The following CNTLN variants were observed in gnomAD, a reference collection of about 807,000 sequenced individuals.
CNTLN encodes centlein, also known as centlein, centrosomal protein.
In CNTLN, 212 loss-of-function variants were observed where a neutral mutation model predicts 180.0. The ratio of observed to expected loss-of-function variants is 1.18; its 90% CI spans 1.05 to 1.32. CNTLN has a LOEUF of 1.32. Among genes scored for constraint, CNTLN ranks in the 40% most tolerant of loss-of-function variants. CNTLN has a pLI of 0.00. For synonymous variants in CNTLN, 722 were observed against 563.1 expected (o/e 1.28, Z -3.99); for missense variants, 2,095 against 1,610.9 (o/e 1.30, Z -5.14).
chr9:17,307,893 C>T lies in CNTLN; in HGVS notation c.1147-1165C>T, dbSNP rs562827543. 5.3e-3 allele frequency among the ~76,000 whole-genome samples: 802 copies of T among 150,394 alleles called. 5 individuals carry two copies. The highest frequency in any genetic ancestry group is 8.8e-3 in the Admixed American group (133 of 15,064). On this transcript the variant is annotated intron_variant, in intron 7 of 25. Coordinates refer to ENST00000380647, the MANE Select transcript of CNTLN (RefSeq NM_017738.4). ...TAAATGAGCAAACCTAAAAACTTAC[C>T]GTAGCTGTATATAATTTTGAGATTT... is the stretch of plus-strand genomic sequence containing the variant.
intron 2 of CNTLN, among the ~76,000 whole-genome samples, chr9:17,169,873 C>T (rs1820316078): frequency 6.6e-6 from 1 of 152,062 alleles, no homozygotes; most frequent in Non-Finnish European, 1.5e-5. Flanking sequence ...ATTGCTTTAG[C>T]TAGTCATGAT....
At chr9:17,268,987 C>T (rs148599151) in intron 5 of CNTLN, among the ~76,000 whole-genome samples, 3 of 152,230 alleles carry the variant, frequency 2.0e-5, no homozygotes, top group African/African-American at 4.8e-5. Context: ...TTGTGCTTCC[C>T]GAGTTAGGCC....
At chr9:17,268,458 G>A (rs910579853) in intron 5 of CNTLN, among the ~76,000 whole-genome samples, 3 of 152,166 alleles carry the variant, frequency 2.0e-5, no homozygotes, top group Admixed American at 6.5e-5. Flanking sequence ...CTACTGGGGG[G>A]TGCCTCCCAG....
chr9:17,196,205 A>G (rs6475114), intron 2 of CNTLN, among the ~76,000 whole-genome samples: 39,280 of 151,626 alleles, frequency 0.26, 6,465 homozygotes, highest in African/African-American at 0.46. Context: ...TCTATCTTTG[A>G]GAGGCACGGG....
intron 5 of CNTLN, among the ~76,000 whole-genome samples, chr9:17,262,373 C>T (rs933390230): frequency 6.6e-6 from 1 of 151,594 alleles, no homozygotes; most frequent in Non-Finnish European, 1.5e-5. Flanking sequence ...GGTAGATATA[C>T]ACCATGGAAT....
At chr9:17,484,661 A>T (rs1832811744) in intron 24 of CNTLN, among the ~76,000 whole-genome samples, 181 bp downstream of exon 24, 1 of 152,154 alleles carries the variant, frequency 6.6e-6, no homozygotes. Flanking sequence ...AAGCCTTTAA[A>T]GAAATTTAAC....
chr9:17,279,149 C>T (rs756275188), intron 6 of CNTLN, among the ~76,000 whole-genome samples: 15 of 151,966 alleles, frequency 9.9e-5, no homozygotes, highest in Non-Finnish European at 2.1e-4. Flanking sequence ...GCTCTGTATA[C>T]TCTGGAAATA....
intron 8 of CNTLN, among the ~76,000 whole-genome samples, chr9:17,327,542 G>C (rs1213751931): frequency 6.6e-6 from 1 of 150,944 alleles, no homozygotes; most frequent in Non-Finnish European, 1.5e-5. Flanking sequence ...TTACTAGTAG[G>C]AACTTTGAGG....
intron 12 of CNTLN, among the ~76,000 whole-genome samples, chr9:17,344,373 C>G (rs1379723507): frequency 1.3e-5 from 2 of 152,082 alleles, no homozygotes; most frequent in Non-Finnish European, 2.9e-5. Flanking sequence ...TTTTTTAGAT[C>G]AGTCTTAATT....
At chr9:17,262,342 T>G (rs1827057593) in intron 5 of CNTLN, among the ~76,000 whole-genome samples, 1 of 151,502 alleles carries the variant, frequency 6.6e-6, no homozygotes, top group Non-Finnish European at 1.5e-5. Context: ...CCATCAGTGA[T>G]AGACTGGATA....
intron 5 of CNTLN, among the ~76,000 whole-genome samples, chr9:17,262,771 C>T (rs1232965081): frequency 6.6e-6 from 1 of 151,192 alleles, no homozygotes; most frequent in South Asian, 2.1e-4. Flanking sequence ...TTAGGTATCT[C>T]TGTATTTTTC....
intron 10 of CNTLN, among the ~76,000 whole-genome samples, chr9:17,333,983 T>C (rs1820815015): frequency 6.6e-6 from 1 of 152,182 alleles, no homozygotes; most frequent in South Asian, 2.1e-4. Context: ...CTTGTGTTAA[T>C]TGTAAATGTG....
At chr9:17,227,575 G>T (rs1467072424) in intron 3 of CNTLN, among the ~76,000 whole-genome samples, 1 of 151,670 alleles carries the variant, frequency 6.6e-6, no homozygotes, top group Non-Finnish European at 1.5e-5. Context: ...TTTGACTTTT[G>T]AATTTATTTT....
At chr9:17,486,354 C>G (rs539053963) in intron 24 of CNTLN, among the ~76,000 whole-genome samples, 1 of 150,548 alleles carries the variant, frequency 6.6e-6, no homozygotes, top group Non-Finnish European at 1.5e-5. Flanking sequence ...TTTTTTTTTT[C>G]GTAAACTGAA....
At chr9:17,192,398 C>T (rs937314781) in intron 2 of CNTLN, among the ~76,000 whole-genome samples, 2 of 151,984 alleles carry the variant, frequency 1.3e-5, no homozygotes, top group African/African-American at 4.8e-5. Flanking sequence ...GCCACCGTGC[C>T]CGGCTAATTT....
intron 2 of CNTLN, among the ~76,000 whole-genome samples, chr9:17,212,266 T>C (rs183586515): frequency 2.0e-5 from 3 of 152,082 alleles, no homozygotes; most frequent in Admixed American, 6.6e-5. Flanking sequence ...TAGCATGAAG[T>C]GTTGTTGAAT....
chr9:17,520,969 C>T, the CNTLN span, among the ~76,000 whole-genome samples: 2 of 152,108 alleles, frequency 1.3e-5, no homozygotes, highest in African/African-American at 2.4e-5. Flanking sequence ...TAATTCAGGT[C>T]TGAAGCATGA....
intron 10 of CNTLN, among the ~76,000 whole-genome samples, chr9:17,339,770 A>C (rs149526249): frequency 6.6e-6 from 1 of 152,212 alleles, no homozygotes; most frequent in African/African-American, 2.4e-5. Context: ...TCATGTGCAT[A>C]TATCTTCTGA....
At chr9:17,513,918 G>A in the CNTLN span, among the ~76,000 whole-genome samples, 2 of 152,070 alleles carry the variant, frequency 1.3e-5, no homozygotes, top group South Asian at 2.1e-4. Flanking sequence ...GATGCAAAAG[G>A]CATTTTAAAA....
Sources: gnomAD v4.1 joint callset for allele counts (sites outside exome capture counted in the v4.1 genomes callset) on GRCh38, gnomAD v4.1.1 for gene constraint, MANE v1.5 for transcripts, NCBI Gene and HGNC (gene_info 2026-07-23, HGNC 2026-07-21) for gene names.